Variants in XIST observed in about 807,000 individuals in gnomAD.
The protein encoded by XIST is X inactive specific transcript, also known as X inactive specific transcript (non-protein coding).
At chrX:73,842,128 C>T (rs1045271172) in exon 1 of XIST, 1 of 522,243 alleles carries the variant, frequency 1.9e-6, no homozygotes, top group Non-Finnish European at 3.4e-6. Flanking sequence ...AAAATAATGA[C>T]CAGGTTATCG....
intron 2 of XIST, chrX:73,833,615 C>T: frequency 8.9e-6 from 2 of 223,685 alleles, no homozygotes; most frequent in Non-Finnish European, 1.6e-5. Context: ...ATGGGTCAAA[C>T]CAATACCGAC....
chrX:73,849,289 A>G, exon 1 of XIST: 1 of 559,197 alleles, frequency 1.8e-6, no homozygotes, highest in Non-Finnish European at 3.2e-6. Flanking sequence ...GACAATTGGG[A>G]CTGAGCATTT....
At chrX:73,825,299 T>G in exon 6 of XIST, 1 of 559,284 alleles carries the variant, frequency 1.8e-6, no homozygotes, top group Non-Finnish European at 3.2e-6. Flanking sequence ...TATAATTTAT[T>G]CATTTATCAA....
rs761143021 is a variant in XIST at position 73,842,854 on chromosome X, C to G, written n.9870G>C. On this transcript the variant is annotated non_coding_transcript_exon_variant, in exon 1 of 6. Coordinates refer to ENST00000429829, the Ensembl canonical transcript of XIST. ...GAGACAGCACAATCTTACCTAATAG[C>G]TGCAAATATGGACACCTGAGATTGT... 1.3e-5 allele frequency: 7 copies of G among 558,214 alleles called. No homozygotes were observed. In the Admixed American group the frequency reaches 1.6e-4, roughly 12 times the overall value. The allele number at this position is 558,214 out of a possible 1,213,427, so 46.0% of individuals were successfully genotyped here.
exon 6 of XIST, chrX:73,824,556 A>G: frequency 1.8e-6 from 1 of 553,076 alleles, no homozygotes. Context: ...CTTGGTTTGT[A>G]TAACTACTTA....
Position 73,827,206 on chromosome X carries a change from G to A in XIST, n.12695C>T, listed in dbSNP as rs768060261. 4.9e-4 allele frequency: 273 copies of A among 556,620 alleles called. No individual in the cohort carries two copies. The Admixed American group carries it at 5.9e-3, about 12-fold the overall frequency. The allele number at this position is 556,620 out of a possible 1,213,427, so 45.9% of individuals were successfully genotyped here. Reference sequence around the variant, plus strand: ...CATCTCACATGGCAGCCTGGCATAAGGAACCGCTCCACAATGCTTGCTCTG... The same window carrying A: ...CATCTCACATGGCAGCCTGGCATAAAGAACCGCTCCACAATGCTTGCTCTG... On this transcript the variant is annotated non_coding_transcript_exon_variant, in exon 6 of 6. Coordinates refer to ENST00000429829, the Ensembl canonical transcript of XIST.
chrX:73,821,026 G>A (rs1188026399), exon 6 of XIST: 1 of 557,618 alleles, frequency 1.8e-6, no homozygotes, highest in South Asian at 2.2e-5. Flanking sequence ...AGTGATGCCA[G>A]AAACTGTGAA....
intron 4 of XIST, among the ~76,000 whole-genome samples, chrX:73,829,646 C>T (rs765015353): frequency 5.8e-4 from 63 of 109,464 alleles, no homozygotes; most frequent in Middle Eastern, 9.4e-3. Flanking sequence ...CAAAATTAGC[C>T]GGGCGTGGTG....
exon 1 of XIST, chrX:73,852,549 G>C (rs776230379): frequency 9.9e-5 from 51 of 514,454 alleles, no homozygotes; most frequent in Middle Eastern, 6.5e-4. Context: ...GAAGACACTA[G>C]GAGAAAGTAT....
exon 6 of XIST, chrX:73,824,920 T>C (rs771764517): frequency 3.1e-5 from 17 of 544,515 alleles, no homozygotes; most frequent in Non-Finnish European, 5.0e-5. Flanking sequence ...GGAGAATTAA[T>C]CTTGTATTTT....
exon 1 of XIST, chrX:73,846,553 G>C (rs763351845): frequency 1.8e-6 from 1 of 558,803 alleles, no homozygotes; most frequent in Admixed American, 2.2e-5. Flanking sequence ...AATGAGCAGT[G>C]TGCGATTACG....
exon 6 of XIST, chrX:73,824,362 C>A: frequency 1.9e-6 from 1 of 539,034 alleles, no homozygotes; most frequent in Non-Finnish European, 3.4e-6. Flanking sequence ...ACCTAGTACC[C>A]AGCACCAAGT....
At chrX:73,833,930 A>G (rs1221745171) in intron 2 of XIST, among the ~76,000 whole-genome samples, 1 of 111,644 alleles carries the variant, frequency 9.0e-6, no homozygotes, top group Non-Finnish European at 1.9e-5. Context: ...GGATTACTGT[A>G]TCATGAGGAA....
chrX:73,839,462 T>A (rs976829175), intron 1 of XIST, among the ~76,000 whole-genome samples: 1 of 111,507 alleles, frequency 9.0e-6, no homozygotes, highest in Non-Finnish European at 1.9e-5. Context: ...TAAGCCCCTA[T>A]CTTATTTCAC....
chrX:73,828,859 CT>C, intron 5 of XIST: 1 of 343,412 alleles, frequency 2.9e-6, no homozygotes, highest in Non-Finnish European at 5.1e-6. Context: ...CTAAATTCTT[CT>C]GTGATACAAC....
At chrX:73,849,038 T>C (rs746939108) in exon 1 of XIST, 2 of 559,233 alleles carry the variant, frequency 3.6e-6, no homozygotes, top group Non-Finnish European at 6.5e-6. Flanking sequence ...GCAAAGGCCA[T>C]AGTGTAACTA....
intron 5 of XIST, chrX:73,828,162 A>G: frequency 2.5e-6 from 1 of 398,879 alleles, no homozygotes; most frequent in Non-Finnish European, 4.3e-6. Context: ...TTATAGTACT[A>G]CAATAATAAC....
At chrX:73,842,548 T>A (rs1045181892) in exon 1 of XIST, 7 of 556,923 alleles carry the variant, frequency 1.3e-5, no homozygotes, top group Non-Finnish European at 2.3e-5. Context: ...CTGCTTTTCA[T>A]AGTCAACACT....
At chrX:73,846,572 T>G (rs767940433) in exon 1 of XIST, 1 of 558,638 alleles carries the variant, frequency 1.8e-6, no homozygotes, top group East Asian at 3.2e-5. Context: ...CGCACATAAA[T>G]GTCCAAGATG....
Sources: gnomAD v4.1 joint callset for allele counts (sites outside exome capture counted in the v4.1 genomes callset) on GRCh38, gnomAD v4.1.1 for gene constraint, MANE v1.5 for transcripts, NCBI Gene and HGNC (gene_info 2026-07-23, HGNC 2026-07-21) for gene names.